TOP3B: variants seen among roughly 807,000 people sequenced by gnomAD.
The protein encoded by TOP3B is DNA topoisomerase III beta, also known as DNA topoisomerase 3-beta-1.
Under a neutral mutation model 93.9 loss-of-function variants are expected in TOP3B, and 45 were observed. That is an observed-to-expected ratio of 0.48 (90% CI 0.38 to 0.61). The LOEUF is 0.61. TOP3B is among the 20% of genes least tolerant of loss of function. The pLI is 0.00. For missense variants in TOP3B, 750 were observed against 1,156.1 expected, an observed-to-expected ratio of 0.65 and a Z score of 5.09; for synonymous variants, 357 against 472.6, an observed-to-expected ratio of 0.76 and a Z score of 3.17.
intron 13 of TOP3B, chr22:21,962,151 C>T: frequency 2.2e-6 from 3 of 1,380,726 alleles, no homozygotes; most frequent in Non-Finnish European, 2.8e-6. Context: ...CAATCTTCAG[C>T]CTTGTGGGCG....
Position 21,971,134 on chromosome 22 carries a change from C to A in TOP3B, c.385-728G>T. 9.4e-7 allele frequency: 1 copy of A among 1,060,006 alleles called. No individual in the cohort carries two copies. The highest frequency in any genetic ancestry group is 1.3e-6 in the Non-Finnish European group (1 of 775,910). 65.7% of individuals were successfully genotyped at this position (1,060,006 alleles called of 1,614,324 possible). A position where few individuals can be genotyped will look rare whatever the true frequency, so the allele number is the denominator to read the frequency against. On this transcript the variant is annotated intron_variant, in intron 5 of 17. Coordinates refer to ENST00000357179, the MANE Select transcript of TOP3B (RefSeq NM_001282112.2). The surrounding 1 kb of genome is among the most constrained non-coding windows in gnomAD (Gnocchi z 4.6). ...TGCAAAGGCCCCCAGGGAGGAGCCGCCCTGCAGGGGAGGAGAGGGTATCTG... is the reference window on the plus strand; with the variant it reads ...TGCAAAGGCCCCCAGGGAGGAGCCGACCTGCAGGGGAGGAGAGGGTATCTG...
chr22:21,959,329 A>G lies in TOP3B; in HGVS notation c.1805-97T>C, dbSNP rs2071066402. On this transcript the variant is annotated intron_variant, in intron 15 of 17. Coordinates refer to ENST00000357179, the MANE Select transcript of TOP3B (RefSeq NM_001282112.2). ...AGGGTCTGAGTGTGAAAGGGTCCCTATAGGCGGTGGTTTCTACTGTCCTGG... is the reference window on the plus strand; with the variant it reads ...AGGGTCTGAGTGTGAAAGGGTCCCTGTAGGCGGTGGTTTCTACTGTCCTGG... 1.6e-5 allele frequency: 25 copies of G among 1,562,144 alleles called. No homozygotes were observed. In the South Asian group the frequency reaches 2.8e-4, roughly 17 times the overall value.
intron 8 of TOP3B, chr22:21,966,431 C>T (rs2071417441): frequency 6.6e-6 from 1 of 152,224 alleles, no homozygotes; most frequent in Non-Finnish European, 1.5e-5. Context: ...GGAAGTACCA[C>T]TCCTTGTTGT....
Position 21,962,883 on chromosome 22 carries a change from C to G in TOP3B, c.1215G>C (p.Ala405=). ...SATEAELGGD[A]WRLYEYITRH... ...TGGTGATGTACTCATAGAGCCGCCA[C>G]GCGTCACCCCCTGCAACAGGCCAGG... Residue 405 remains alanine, a synonymous_variant, in exon 12 of 18, where the codon GCG becomes GCC. Coordinates refer to ENST00000357179, the MANE Select transcript of TOP3B (RefSeq NM_001282112.2). The G allele has an allele frequency of 6.2e-7, 1 of 1,613,182 alleles. No individual in the cohort carries two copies. The highest frequency in any genetic ancestry group is 2.2e-5 in the East Asian group (1 of 44,872).
At chr22:21,960,256 A>G (rs2145830490) in intron 14 of TOP3B, 65 bp downstream of exon 14, 1 of 1,608,040 alleles carries the variant, frequency 6.2e-7, no homozygotes, top group Non-Finnish European at 8.5e-7. Flanking sequence ...CGGGCAGCAG[A>G]GCCAACATCC....
At position 21,971,310 on chromosome 22, in the gene TOP3B, G is replaced by A; in HGVS notation, c.384+567C>T. ...GACCCATAGAACAACAGTCTGAAGGGCACCAAGTGAGACCAGCAGTCATGG... is the reference window on the plus strand; with the variant it reads ...GACCCATAGAACAACAGTCTGAAGGACACCAAGTGAGACCAGCAGTCATGG... On this transcript the variant is annotated intron_variant, in intron 5 of 17. Transcript: ENST00000357179. The surrounding 1 kb of genome is among the most constrained non-coding windows in gnomAD (Gnocchi z 4.6). 3.4e-6 allele frequency: 1 copy of A among 290,004 alleles called. No homozygotes were observed. The highest frequency in any genetic ancestry group is 6.8e-6 in the Non-Finnish European group (1 of 146,388). 18.0% of individuals were successfully genotyped at this position (290,004 alleles called of 1,614,324 possible).
chr22:21,964,296 G>T lies in TOP3B; in HGVS notation c.963C>A (p.Ala321=). 2 of 1,613,644 alleles carry T rather than the reference G, an allele frequency of 1.2e-6. No individual in the cohort carries two copies. Among genetic ancestry groups the T allele is most frequent in the Non-Finnish European group, 1.7e-6 (2 of 1,179,940 alleles). Residue 321 remains alanine, a synonymous_variant, in exon 10 of 18, where the codon GCC becomes GCA. Coordinates refer to ENST00000357179, the MANE Select transcript of TOP3B (RefSeq NM_001282112.2). ...SSSLGMGPQH[A]MQTAERLYTQ... is the part of the protein sequence containing the mutation. ...TGTAGAGCCGCTCAGCCGTCTGCAT[G>T]GCGTGCTGCGGCCCCATGCCTGCGA...
Position 21,965,374 on chromosome 22 carries a change from A to C in TOP3B, c.854T>G (p.Val285Gly). The C allele has an allele frequency of 6.3e-7, 1 of 1,599,506 alleles. No individual in the cohort carries two copies. The highest frequency in any genetic ancestry group is 1.1e-5 in the South Asian group (1 of 88,658). The change falls in exon 9 of 18, where the codon GTG (valine) becomes GGG (glycine). Residue 285 changes from valine (V) to glycine (G), a missense_variant and splice_region_variant. Coordinates refer to ENST00000357179, the MANE Select transcript of TOP3B (RefSeq NM_001282112.2). ...CTTTTCTTTCCTGCTTGTGGCCTCCACCTGGAAGACAGGACAGTCAATGAT... is the reference window on the plus strand; with the variant it reads ...CTTTTCTTTCCTGCTTGTGGCCTCCCCCTGGAAGACAGGACAGTCAATGAT... Reference protein sequence around the residue: ...NMTKLEKEAQVEATSRKEKAK... With the variant: ...NMTKLEKEAQGEATSRKEKAK...
intron 9 of TOP3B, 56 bp from the exon 10 acceptor site, chr22:21,964,371 T>A: frequency 6.3e-7 from 1 of 1,596,568 alleles, no homozygotes; most frequent in Non-Finnish European, 8.5e-7. Flanking sequence ...GCCAGCTGCC[T>A]GCCCTGGCCT....
At position 21,974,145 on chromosome 22, in the gene TOP3B, C is replaced by T. The variant is rs572369233; in HGVS notation, c.202+212G>A. 2.1e-4 allele frequency: 104 copies of T among 494,810 alleles called. No individual in the cohort carries two copies. In the East Asian group the frequency reaches 3.2e-3, roughly 15 times the overall value. 30.7% of individuals were successfully genotyped at this position (494,810 alleles called of 1,614,324 possible). A position where few individuals can be genotyped will look rare whatever the true frequency, so the allele number is the denominator to read the frequency against. On this transcript the variant is annotated intron_variant, in intron 3 of 17. Coordinates refer to ENST00000357179, the MANE Select transcript of TOP3B (RefSeq NM_001282112.2). Reference sequence around the variant, plus strand: ...AGGGAATGCAGCGACTAAGGGGTGCCGCTATGATGGGGACCCAGGGCTGAG... The same window carrying T: ...AGGGAATGCAGCGACTAAGGGGTGCTGCTATGATGGGGACCCAGGGCTGAG...
chr22:21,959,509 GA>G, intron 15 of TOP3B, 77 bp downstream of exon 15: 11 of 1,528,458 alleles, frequency 7.2e-6, no homozygotes, highest in Non-Finnish European at 9.7e-6. Context: ...CCCACGTGGG[GA>G]CCTGGGTCCC....
chr22:21,971,470 G>A lies in TOP3B; in HGVS notation c.384+407C>T, dbSNP rs1038113742. 3.0e-6 allele frequency: 1 copy of A among 329,988 alleles called. No individual in the cohort carries two copies. Among genetic ancestry groups the A allele is most frequent in the Non-Finnish European group, 5.9e-6 (1 of 168,582 alleles). The allele number at this position is 329,988 out of a possible 1,614,324, so 20.4% of individuals were successfully genotyped here. On this transcript the variant is annotated intron_variant, in intron 5 of 17. Transcript: ENST00000357179. This position sits in a 1 kb window ranked among gnomAD's most constrained non-coding sequence, Gnocchi z 4.6. The stretch of plus-strand genomic sequence containing the variant: ...GCATCCTGGATGAGGCAGGAGATGA[G>A]CAGAGCGAGGCCTGCAAAAGGAGCT...
Position 21,970,316 on chromosome 22 carries a change from C to T in TOP3B, c.475G>A (p.Asp159Asn), listed in dbSNP as rs749416728. ...AGGCAGGCCATGGCATTACAGATGTCTGTGTCCGTGATGGAGCTAAACCTG... is the reference window on the plus strand; with the variant it reads ...AGGCAGGCCATGGCATTACAGATGTTTGTGTCCGTGATGGAGCTAAACCTG... ...RARFSSITDT[D>N]ICNAMACLGE... Residue 159 changes from aspartate (D) to asparagine (N), a missense_variant, in exon 6 of 18, where the codon GAC becomes AAC. Asp to Asn is a conservative substitution (Grantham distance 23, BLOSUM62 1). This residue lies in a region of TOP3B where 737 missense variants were observed against 933.7 expected (regional missense o/e 0.79). Coordinates refer to ENST00000357179, the MANE Select transcript of TOP3B (RefSeq NM_001282112.2). This position sits in a 1 kb window ranked among gnomAD's most constrained non-coding sequence, Gnocchi z 4.4. 6.2e-7 allele frequency: 1 copy of T among 1,614,114 alleles called. No homozygotes were observed. The highest frequency in any genetic ancestry group is 2.2e-5 in the East Asian group (1 of 44,882).
At chr22:21,977,700 G>A (rs1349144606) in intron 1 of TOP3B, 1 of 152,182 alleles carries the variant, frequency 6.6e-6, no homozygotes, top group Non-Finnish European at 1.5e-5. Flanking sequence ...AGGGCATGGG[G>A]AAGTTAAATG....
Position 21,963,704 on chromosome 22 carries a change from C to A in TOP3B, c.1204+219G>T. 1 of 573,718 alleles carries A rather than the reference C, an allele frequency of 1.7e-6. No homozygotes were observed. The highest frequency in any genetic ancestry group is 2.1e-5 in the South Asian group (1 of 48,264). 35.5% of individuals were successfully genotyped at this position (573,718 alleles called of 1,614,324 possible). ...TCATTCATGTCCCCTGTGGCGTCTGCCCCCTTGCCTCCCTGCAACAGCACC... is the reference window on the plus strand; with the variant it reads ...TCATTCATGTCCCCTGTGGCGTCTGACCCCTTGCCTCCCTGCAACAGCACC... On this transcript the variant is annotated intron_variant, in intron 11 of 17. Transcript: ENST00000357179. The surrounding 1 kb of genome is among the most constrained non-coding windows in gnomAD (Gnocchi z 4.8).
chr22:21,977,564 AC>A (rs1339598747), intron 1 of TOP3B: 1 of 150,012 alleles, frequency 6.7e-6, no homozygotes, highest in East Asian at 2.0e-4. Context: ...AGGGAAAACC[AC>A]CACGTAAGTA....
rs2071084828 is a variant in TOP3B, at chr22:21,959,723, C to T, written c.1668G>A (p.Val556=). ...CCACTGCACTGCGGATGGTGGGGAG[C>T]ACCAGCTCTGCATCTGCAAGTGGGC... ...HGYYKIDAEL[V]LPTIRSAVEK... The change falls in exon 15 of 18, where the codon GTG becomes GTA. Residue 556 remains valine, a synonymous_variant. Transcript: ENST00000357179. The T allele has an allele frequency of 6.2e-7, 1 of 1,612,942 alleles. No individual in the cohort carries two copies. The highest frequency in any genetic ancestry group is 8.5e-7 in the Non-Finnish European group (1 of 1,179,754).
intron 7 of TOP3B, 102 bp downstream of exon 7, chr22:21,968,517 T>G: frequency 2.0e-6 from 3 of 1,473,904 alleles, no homozygotes; most frequent in Non-Finnish European, 2.8e-6. Flanking sequence ...TCCACACTTC[T>G]GCCCTCAGCC....
Position 21,975,658 on chromosome 22 carries a change from CA to C in TOP3B, c.51del (p.Ile17MetfsTer16). ...VAEKPSLAQS[I>X]AKILSRGSLS... Reference sequence around the variant, plus strand: ...CTCCTACCTCTAGAGAGGATTTTGGCAATTGACTGTGCCAAGGACGGCTTTT... The same window carrying C: ...CTCCTACCTCTAGAGAGGATTTTGGCATTGACTGTGCCAAGGACGGCTTTT... On this transcript the variant is annotated frameshift_variant, in exon 2 of 18. Transcript: ENST00000357179. LOFTEE classifies it high-confidence loss of function. The C allele has an allele frequency of 1.2e-6, 2 of 1,611,628 alleles. No homozygotes were observed.
Sources: allele counts gnomAD v4.1 joint callset, GRCh38; gene constraint gnomAD v4.1.1; regional missense constraint gnomAD v4.1.1; non-coding constraint Gnocchi (gnomAD v3.1); transcripts MANE v1.5; gene names NCBI Gene and HGNC (gene_info 2026-07-23, HGNC 2026-07-21).